The following CNTNAP3B variants were observed in gnomAD, a reference collection of about 807,000 sequenced individuals.
CNTNAP3B encodes the protein contactin associated protein family member 3B, also known as contactin-associated protein-like 3B.
CNTNAP3B carries 25 observed loss-of-function variants against 108.9 expected under a neutral mutation model. The ratio of observed to expected loss-of-function variants is 0.23; its 90% CI spans 0.17 to 0.32. CNTNAP3B has a LOEUF of 0.32. Ranked by LOEUF, CNTNAP3B falls within the 10% of genes least tolerant of loss-of-function variation. CNTNAP3B has a pLI of 1.00. For synonymous variants in CNTNAP3B, 103 were observed against 473.4 expected, an observed-to-expected ratio of 0.22 and a Z score of 10.16; for missense variants, 252 against 1,210.4, an observed-to-expected ratio of 0.21 and a Z score of 11.75.
intron 17 of CNTNAP3B, among the ~76,000 whole-genome samples, chr9:41,921,873 A>T (rs1381708369): frequency 6.7e-6 from 1 of 148,768 alleles, no homozygotes; most frequent in Non-Finnish European, 1.5e-5. Flanking sequence ...GCTGCTTCCA[A>T]TCAGCGGGTA....
At chr9:41,954,219 C>T (rs2721428) in intron 12 of CNTNAP3B, among the ~76,000 whole-genome samples, 17 of 152,186 alleles carry the variant, frequency 1.1e-4, no homozygotes, top group East Asian at 5.8e-4. Context: ...ACTGGAGAAA[C>T]GAAGAAACAT....
chr9:42,095,209 T>G (rs1236265276), intron 2 of CNTNAP3B, among the ~76,000 whole-genome samples: 8 of 138,064 alleles, frequency 5.8e-5, no homozygotes, highest in African/African-American at 1.5e-4. Flanking sequence ...TAACCACCAT[T>G]CTACTCTCTA....
intron 3 of CNTNAP3B, among the ~76,000 whole-genome samples, chr9:42,064,148 TTG>T (rs1233345841): frequency 4.1e-5 from 6 of 146,188 alleles, no homozygotes; most frequent in South Asian, 4.4e-4. Context: ...GCTCCAGAAT[TTG>T]TTAGTTTTTT....
rs753609405 is a variant in CNTNAP3B at position 42,077,007 on chromosome 9, G to A, written c.252C>T (p.Asp84=). The change falls in exon 3 of 24, where the codon GAC becomes GAT. Residue 84 remains aspartate (D), a synonymous_variant. Transcript: ENST00000377561. ...CAGTGACCTCCATTCTCTCTCCAAG[G>A]TCAATTTGCAGCCATTGGTATTTAT... is the stretch of plus-strand genomic sequence containing the variant. ...VSNKYQWLQI[D]LGERMEVTAV... The A allele has an allele frequency of 6.5e-7, 1 of 1,527,146 alleles. No homozygotes were observed. The highest frequency in any genetic ancestry group is 8.8e-7 in the Non-Finnish European group (1 of 1,134,614). The allele number at this position is 1,527,146 out of a possible 1,614,324, so 94.6% of individuals were successfully genotyped here.
At chr9:42,119,385 A>T (rs1158937889) in intron 1 of CNTNAP3B, among the ~76,000 whole-genome samples, 4 of 133,762 alleles carry the variant, frequency 3.0e-5, no homozygotes, top group Non-Finnish European at 4.7e-5. Context: ...AATCAGTATC[A>T]TGAAAATGGC....
At chr9:42,011,344 AC>A (rs1379141652) in intron 4 of CNTNAP3B, 1 of 48,158 alleles carries the variant, frequency 2.1e-5, no homozygotes, top group Admixed American at 2.5e-4. Flanking sequence ...AGCTAATAAC[AC>A]TAGGGCTGGG....
intron 13 of CNTNAP3B, among the ~76,000 whole-genome samples, chr9:41,939,822 C>T (rs1213657017): frequency 1.4e-4 from 22 of 152,266 alleles, no homozygotes; most frequent in Admixed American, 1.3e-3. Context: ...AACTTCTAGA[C>T]TGATAAAAGA....
intron 13 of CNTNAP3B, among the ~76,000 whole-genome samples, 184 bp from the exon 14 acceptor site, chr9:41,938,584 T>C (rs1470663466): frequency 6.6e-5 from 10 of 152,408 alleles, no homozygotes; most frequent in Non-Finnish European, 1.2e-4. Flanking sequence ...CCAATGTTTT[T>C]CCCCCAATAT....
intron 14 of CNTNAP3B, among the ~76,000 whole-genome samples, chr9:41,935,958 G>T (rs1244390686): frequency 5.3e-5 from 8 of 152,274 alleles, no homozygotes; most frequent in Non-Finnish European, 1.2e-4. Context: ...GTTCATGGGA[G>T]GGTCACTCAA....
intron 14 of CNTNAP3B, among the ~76,000 whole-genome samples, chr9:41,935,079 C>G (rs1182293536): frequency 6.6e-6 from 1 of 152,268 alleles, no homozygotes; most frequent in African/African-American, 2.4e-5. Context: ...ACATAGTCCA[C>G]TATACATTTA....
rs1441048330 is a variant in CNTNAP3B, at chr9:41,995,624, G to A, written c.1071+581C>T. Among the ~76,000 whole-genome samples, 12 of 119,972 alleles carry A rather than the reference G, an allele frequency of 1.0e-4. 1 individual carries two copies. The South Asian group carries it at 2.0e-3, about 20-fold the overall frequency. The allele number at this position is 119,972 out of a possible 152,430, so 78.7% of individuals were successfully genotyped here. A position where few individuals can be genotyped will look rare whatever the true frequency, so the allele number is the denominator to read the frequency against. Reference sequence around the variant, plus strand: ...TGGGCACCTGTAGTCCCAGGTACTCGGGAGGCTGAGGCGGGAGAATGGCGT... The same window carrying A: ...TGGGCACCTGTAGTCCCAGGTACTCAGGAGGCTGAGGCGGGAGAATGGCGT... On this transcript the variant is annotated intron_variant, in intron 7 of 23. Coordinates refer to ENST00000377561, the MANE Select transcript of CNTNAP3B (RefSeq NM_001201380.3).
chr9:42,097,900 A>G lies in CNTNAP3B; in HGVS notation c.196+6729T>C, dbSNP rs1037428371. 1.6e-4 allele frequency among the ~76,000 whole-genome samples: 22 copies of G among 138,982 alleles called. 3 individuals are homozygous for G. Among genetic ancestry groups the G allele is most frequent in the Admixed American group, 1.0e-3 (14 of 14,004 alleles). 91.2% of individuals were successfully genotyped at this position (138,982 alleles called of 152,430 possible). The stretch of plus-strand genomic sequence containing the variant: ...GGGAAAGCTTCAAAAGTTGAAGTCC[A>G]ATCATGGGACTTTCAAAATAATCCA... On this transcript the variant is annotated intron_variant, in intron 2 of 23. Transcript: ENST00000377561.
At chr9:41,954,611 G>T (rs537505786) in intron 12 of CNTNAP3B, among the ~76,000 whole-genome samples, 2 of 152,404 alleles carry the variant, frequency 1.3e-5, no homozygotes, top group South Asian at 4.1e-4. Context: ...GGCTCTAAGT[G>T]TGCCTATGGT....
rs3847201 is a variant in CNTNAP3B at position 42,108,717 on chromosome 9, T to G, written c.86-3978A>C. Among the ~76,000 whole-genome samples, 119 of 134,674 alleles carry G rather than the reference T, an allele frequency of 8.8e-4. 17 individuals carry two copies. The highest frequency in any genetic ancestry group is 1.5e-3 in the Non-Finnish European group (93 of 63,388). The allele number at this position is 134,674 out of a possible 152,430, so 88.4% of individuals were successfully genotyped here. ...CTTAGGCTTGTTGATTTAGTCTCGG[T>G]GATTAGCTCTGCCTAGGTTCCTCTC... On this transcript the variant is annotated intron_variant, in intron 1 of 23. Transcript: ENST00000377561.
intron 9 of CNTNAP3B, among the ~76,000 whole-genome samples, chr9:41,972,689 A>G (rs1825443388): frequency 7.4e-6 from 1 of 134,574 alleles, no homozygotes; most frequent in South Asian, 2.4e-4. Flanking sequence ...AAAATCTTTT[A>G]TATTTTTATA....
chr9:41,932,779 A>C (rs1270596874), intron 14 of CNTNAP3B, among the ~76,000 whole-genome samples: 1 of 152,128 alleles, frequency 6.6e-6, no homozygotes, highest in Non-Finnish European at 1.5e-5. Flanking sequence ...TGGCCTCGCA[A>C]AGTGCTGGGA....
At chr9:42,098,870 A>G (rs1318412427) in intron 2 of CNTNAP3B, among the ~76,000 whole-genome samples, 1 of 131,018 alleles carries the variant, frequency 7.6e-6, no homozygotes, top group Non-Finnish European at 1.6e-5. Context: ...GTGCTATAAG[A>G]GAAGCTGATG....
chr9:42,024,686 A>G lies in CNTNAP3B; in HGVS notation c.391-11161T>C, dbSNP rs1208703215. ...AGGGTTCACAAAAAAAAAAAAAAAG[A>G]AAAAAAAACATGAAAAGATTAAGAT... is the stretch of plus-strand genomic sequence containing the variant. On this transcript the variant is annotated intron_variant, in intron 3 of 23. Transcript: ENST00000377561. 4.6e-4 allele frequency among the ~76,000 whole-genome samples: 35 copies of G among 75,548 alleles called. No individual in the cohort carries two copies. In the South Asian group the frequency reaches 0.012, roughly 25 times the overall value. 49.6% of individuals were successfully genotyped at this position (75,548 alleles called of 152,430 possible).
At chr9:41,943,914 T>C (rs1824445240) in intron 13 of CNTNAP3B, among the ~76,000 whole-genome samples, 1 of 152,268 alleles carries the variant, frequency 6.6e-6, no homozygotes, top group Non-Finnish European at 1.5e-5. Flanking sequence ...AATAAAATCT[T>C]TTAAAAATAA....
Sources: allele counts gnomAD v4.1 joint callset (sites outside exome capture counted in the v4.1 genomes callset), GRCh38; gene constraint gnomAD v4.1.1; transcripts MANE v1.5; gene names NCBI Gene and HGNC (gene_info 2026-07-23, HGNC 2026-07-21).